Variants in HNRNPU observed in about 807,000 individuals in gnomAD.
HNRNPU encodes the protein HNRNPU antisense RNA 1.
Under a neutral mutation model 94.7 loss-of-function variants are expected in HNRNPU, and 5 were observed. The observed-to-expected ratio is 0.05, with a 90% confidence interval of 0.03 to 0.11. The LOEUF (loss-of-function observed/expected upper bound fraction) is 0.11. Among genes scored for constraint, HNRNPU ranks in the 10% least tolerant of loss-of-function variants. The pLI is 1.00. For synonymous variants in HNRNPU, 434 were observed against 381.6 expected, an observed-to-expected ratio of 1.14 and a Z score of -1.60; for missense variants, 710 against 1,049.2, an observed-to-expected ratio of 0.68 and a Z score of 4.47.
At chr1:244,861,991 A>G (rs1366898607) in intron 3 of HNRNPU, 1 of 153,182 alleles carries the variant, frequency 6.5e-6, no homozygotes, top group Non-Finnish European at 1.5e-5. Context: ...AGAACAAAAG[A>G]GCAGTTATTG....
Position 244,858,283 on chromosome 1 carries a change from C to G in HNRNPU, c.1231-9G>C. On this transcript the variant is annotated splice_polypyrimidine_tract_variant and intron_variant, in intron 6 of 13. Transcript: ENST00000640218. ...TCATCACTTTCAAAGTTCTGTTACA[C>G]AGAAAAAAATTCAACAGTTAAAATC... is the stretch of plus-strand genomic sequence containing the variant. 1.2e-6 allele frequency: 2 copies of G among 1,605,060 alleles called. No homozygotes were observed. The highest frequency in any genetic ancestry group is 1.7e-6 in the Non-Finnish European group (2 of 1,176,370).
Position 244,852,029 on chromosome 1 carries a change from G to C in HNRNPU, c.*2421C>G, listed in dbSNP as rs1680562196. 1 of 152,084 alleles carries C rather than the reference G, an allele frequency of 6.6e-6. No individual in the cohort carries two copies. The highest frequency in any genetic ancestry group is 1.5e-5 in the Non-Finnish European group (1 of 68,000). The allele number at this position is 152,084 out of a possible 1,614,324, so 9.4% of individuals were successfully genotyped here. A position where few individuals can be genotyped will look rare whatever the true frequency, so the allele number is the denominator to read the frequency against. On this transcript the variant is annotated 3_prime_UTR_variant, in exon 14 of 14. Transcript: ENST00000640218. ...GCAATCTCACAGTGAGTTTCCTCTG[G>C]GTAGTCAGGATTTGTCCAGAACTAC... is the stretch of plus-strand genomic sequence containing the variant.
chr1:244,860,707 CAT>C lies in HNRNPU; in HGVS notation c.878-235_878-234del, dbSNP rs896411982. The C allele has an allele frequency of 2.7e-5, 15 of 560,354 alleles. No individual in the cohort carries two copies. In the African/African-American group the frequency reaches 2.9e-4, roughly 11 times the overall value. The allele number at this position is 560,354 out of a possible 1,614,324, so 34.7% of individuals were successfully genotyped here. A position where few individuals can be genotyped will look rare whatever the true frequency, so the allele number is the denominator to read the frequency against. On this transcript the variant is annotated intron_variant, in intron 3 of 13. Coordinates refer to ENST00000640218, the MANE Select transcript of HNRNPU (RefSeq NM_031844.3). ...CTGTGAAACTAATACCAAGGTTTAACATGTATATTTTAAGTATTTAAAATAAT... is the reference window on the plus strand; with the variant it reads ...CTGTGAAACTAATACCAAGGTTTAACGTATATTTTAAGTATTTAAAATAAT...
rs539757298 is a variant in HNRNPU, at chr1:244,863,183, G to A, written c.691+434C>T. 3.3e-3 allele frequency: 520 copies of A among 157,382 alleles called. 4 individuals carry two copies. Among genetic ancestry groups the A allele is most frequent in the African/African-American group, 0.012 (498 of 40,150 alleles). The allele number at this position is 157,382 out of a possible 1,614,324, so 9.7% of individuals were successfully genotyped here. A position where few individuals can be genotyped will look rare whatever the true frequency, so the allele number is the denominator to read the frequency against. On this transcript the variant is annotated intron_variant, in intron 1 of 13. Coordinates refer to ENST00000640218, the MANE Select transcript of HNRNPU (RefSeq NM_031844.3). ...CCCTGCGCTCCTTGCACAATACAGCGGCGAGGAGCCGCCAAAGCGCGCCCG... is the reference window on the plus strand; with the variant it reads ...CCCTGCGCTCCTTGCACAATACAGCAGCGAGGAGCCGCCAAAGCGCGCCCG...
intron 3 of HNRNPU, chr1:244,861,783 C>T (rs372082014): frequency 4.6e-4 from 69 of 150,330 alleles, no homozygotes; most frequent in African/African-American, 1.6e-3. Context: ...AGTCAAAGCC[C>T]ACTTAGAGGT....
In HNRNPU at chr1:244,851,843, G is replaced by GT. The variant is rs1432888530; in HGVS notation, c.*2606dup. The GT allele has an allele frequency of 2.0e-5, 3 of 152,170 alleles. No individual in the cohort carries two copies. The highest frequency in any genetic ancestry group is 4.4e-5 in the Non-Finnish European group (3 of 68,028). 9.4% of individuals were successfully genotyped at this position (152,170 alleles called of 1,614,324 possible). A position where few individuals can be genotyped will look rare whatever the true frequency, so the allele number is the denominator to read the frequency against. ...TTTACATCATTTCTATCTCATAGCA[G>GT]TTTTAGTTTTCTCATAGCTATCTCA... On this transcript the variant is annotated 3_prime_UTR_variant, in exon 14 of 14. Coordinates refer to ENST00000640218, the MANE Select transcript of HNRNPU (RefSeq NM_031844.3).
Position 244,863,838 on chromosome 1 carries a change from C to A in HNRNPU, c.470G>T (p.Gly157Val), listed in dbSNP as rs1195258707. 4 of 1,612,316 alleles carry A rather than the reference C, an allele frequency of 2.5e-6. No homozygotes were observed. The highest frequency in any genetic ancestry group is 3.4e-6 in the Non-Finnish European group (4 of 1,179,628). The part of the protein sequence containing the change: ...DEEEGAGDEN[G>V]HGEQQPQPPA... ...CGGTTGAGGCTGCTGCTCCCCGTGC[C>A]CGTTCTCGTCGCCCGCGCCTTCCTC... The change falls in exon 1 of 14, where the codon GGG becomes GTG. Residue 157 changes from glycine to valine, a missense_variant. By Grantham distance (109) the Gly-to-Val change is moderately radical. This residue lies in a region of HNRNPU where 292 missense variants were observed against 293.4 expected (regional missense o/e 1.00). Coordinates refer to ENST00000640218, the MANE Select transcript of HNRNPU (RefSeq NM_031844.3).
intron 4 of HNRNPU, 110 bp downstream of exon 4, chr1:244,860,225 C>T: frequency 1.2e-6 from 1 of 820,992 alleles, no homozygotes; most frequent in Non-Finnish European, 1.9e-6. Flanking sequence ...CGCTTGAACC[C>T]AGGACGCGGA....
chr1:244,862,866 C>T lies in HNRNPU; in HGVS notation c.692-136G>A, dbSNP rs1009127618. ...TTAACCGAGGACTCAAATGTGAATT[C>T]AAAGAACAATCAACTACGAATTCGA... is the stretch of plus-strand genomic sequence containing the variant. On this transcript the variant is annotated intron_variant, in intron 1 of 13. Transcript: ENST00000640218. 4.3e-6 allele frequency: 3 copies of T among 701,246 alleles called. No homozygotes were observed. The African/African-American group carries it at 5.4e-5, about 13-fold the overall frequency. The allele number at this position is 701,246 out of a possible 1,614,324, so 43.4% of individuals were successfully genotyped here.
intron 11 of HNRNPU, 54 bp downstream of exon 11, chr1:244,855,850 A>T: frequency 6.3e-7 from 1 of 1,586,140 alleles, no homozygotes; most frequent in Non-Finnish European, 8.6e-7. Context: ...AAACTATAAA[A>T]TTATCACTTG....
chr1:244,857,090 A>G, intron 8 of HNRNPU: 1 of 388,948 alleles, frequency 2.6e-6, no homozygotes, highest in South Asian at 4.9e-5. Context: ...ACGGAAAAAA[A>G]CAGAAGCCTA....
In HNRNPU at chr1:244,859,957, G is replaced by A. The variant is rs558288284; in HGVS notation, c.1017+378C>T. 5 of 170,890 alleles carry A rather than the reference G, an allele frequency of 2.9e-5. No homozygotes were observed. In the East Asian group the frequency reaches 8.1e-4, roughly 28 times the overall value. 10.6% of individuals were successfully genotyped at this position (170,890 alleles called of 1,614,324 possible). ...GCGGGCAGATCACTTGAGCTTAGGA[G>A]TTCAAGACCAGCCTGGGCAACATGG... is the stretch of plus-strand genomic sequence containing the variant. On this transcript the variant is annotated intron_variant, in intron 4 of 13. Coordinates refer to ENST00000640218, the MANE Select transcript of HNRNPU (RefSeq NM_031844.3).
In HNRNPU at chr1:244,856,873, A is replaced by T; in HGVS notation, c.1615-17T>A. 6.3e-7 allele frequency: 1 copy of T among 1,579,122 alleles called. No homozygotes were observed. Among genetic ancestry groups the T allele is most frequent in the South Asian group, 1.2e-5 (1 of 85,560 alleles). ...ACCTGCCACCTATATTCAAAAGTTA[A>T]AATTTCCCCTTGAACTTGTGAATTT... On this transcript the variant is annotated splice_polypyrimidine_tract_variant and intron_variant, in intron 8 of 13. Coordinates refer to ENST00000640218, the MANE Select transcript of HNRNPU (RefSeq NM_031844.3).
chr1:244,858,041 T>C lies in HNRNPU; in HGVS notation c.1464A>G (p.Pro488=). ...AATCTTTCTTCTCTTCAGGCCCCTT[T>C]GGTCCTCTAACTCGATCCTCTAAGG... ...NVPLEDRVRG[P]KGPEEKKDCE... Residue 488 remains proline, a synonymous_variant, in exon 7 of 14, where the codon CCA becomes CCG. Coordinates refer to ENST00000640218, the MANE Select transcript of HNRNPU (RefSeq NM_031844.3). 1 of 1,613,456 alleles carries C rather than the reference T, an allele frequency of 6.2e-7. No homozygotes were observed. Among genetic ancestry groups the C allele is most frequent in the South Asian group, 1.1e-5 (1 of 90,862 alleles).
Position 244,858,035 on chromosome 1 carries a change from C to G in HNRNPU, c.1470G>C (p.Gly490=), listed in dbSNP as rs2102986603. The G allele has an allele frequency of 1.2e-6, 2 of 1,610,102 alleles. No individual in the cohort carries two copies. Among genetic ancestry groups the G allele is most frequent in the Non-Finnish European group, 1.7e-6 (2 of 1,178,876 alleles). Residue 490 remains glycine (G), a synonymous_variant, in exon 7 of 14, where the codon GGG becomes GGC. Coordinates refer to ENST00000640218, the MANE Select transcript of HNRNPU (RefSeq NM_031844.3). ...PLEDRVRGPK[G]PEEKKDCEVV... is the part of the protein sequence containing the mutation. ...CTTCACAATCTTTCTTCTCTTCAGG[C>G]CCCTTTGGTCCTCTAACTCGATCCT...
chr1:244,859,214 A>C, intron 5 of HNRNPU, 61 bp downstream of exon 5: 1 of 855,734 alleles, frequency 1.2e-6, no homozygotes, highest in Non-Finnish European at 2.0e-6. Flanking sequence ...TAGTTAAAAA[A>C]CACTGAAATC....
chr1:244,852,485 C>T lies in HNRNPU; in HGVS notation c.*1965G>A, dbSNP rs982035039. On this transcript the variant is annotated 3_prime_UTR_variant, in exon 14 of 14. Coordinates refer to ENST00000640218, the MANE Select transcript of HNRNPU (RefSeq NM_031844.3). Reference sequence around the variant, plus strand: ...AACTTTAGGACACAACACTGATTAGCATCAAAACCTGAAACTGTTCCTCTA... The same window carrying T: ...AACTTTAGGACACAACACTGATTAGTATCAAAACCTGAAACTGTTCCTCTA... 2.0e-5 allele frequency: 3 copies of T among 152,226 alleles called. No homozygotes were observed. The highest frequency in any genetic ancestry group is 7.2e-5 in the African/African-American group (3 of 41,538). 9.4% of individuals were successfully genotyped at this position (152,226 alleles called of 1,614,324 possible). A position where few individuals can be genotyped will look rare whatever the true frequency, so the allele number is the denominator to read the frequency against.
At chr1:244,859,933 CG>C (rs1680781910) in intron 4 of HNRNPU, 1 of 163,716 alleles carries the variant, frequency 6.1e-6, no homozygotes, top group Admixed American at 6.4e-5. Context: ...GAGGCTCAGG[CG>C]GGCAGATCAC....
Position 244,858,756 on chromosome 1 carries a change from A to T in HNRNPU, c.1203T>A (p.Asp401Glu), listed in dbSNP as rs1210623482. The change falls in exon 6 of 14, where the codon GAT (aspartate) becomes GAA (glutamate). Residue 401 changes from aspartate (D) to glutamate (E), a missense_variant. Asp to Glu is a conservative substitution (Grantham distance 45, BLOSUM62 2). Transcript: ENST00000640218. ...CETEDYGEKFDENDVITCFAN... is the reference protein window; with the variant it reads ...CETEDYGEKFEENDVITCFAN... Reference sequence around the variant, plus strand: ...CAAAACATGTAATCACATCATTTTCATCAAACTTTTCTCCATAATCTTCAG... The same window carrying T: ...CAAAACATGTAATCACATCATTTTCTTCAAACTTTTCTCCATAATCTTCAG... The T allele has an allele frequency of 3.1e-6, 5 of 1,591,454 alleles. No individual in the cohort carries two copies. Among genetic ancestry groups the T allele is most frequent in the Middle Eastern group, 1.7e-4 (1 of 6,014 alleles).
Sources: allele counts gnomAD v4.1 joint callset, GRCh38; gene constraint gnomAD v4.1.1; regional missense constraint gnomAD v4.1.1; transcripts MANE v1.5; gene names NCBI Gene and HGNC (gene_info 2026-07-23, HGNC 2026-07-21).